NRIP3: variants seen among roughly 807,000 people sequenced by gnomAD.
The protein encoded by NRIP3 is nuclear receptor-interacting protein 3.
In NRIP3, 31 loss-of-function variants were observed where a neutral mutation model predicts 29.0. The ratio of observed to expected loss-of-function variants is 1.07; its 90% CI spans 0.80 to 1.44. The LOEUF (loss-of-function observed/expected upper bound fraction) is 1.44. Among genes scored for constraint, NRIP3 ranks in the 40% most tolerant of loss-of-function variants. The probability of loss-of-function intolerance (pLI) is 0.00; values close to 1 mark genes in which losing one functional copy is unlikely to be tolerated. For missense variants in NRIP3, 314 were observed against 297.9 expected, an observed-to-expected ratio of 1.05 and a Z score of -0.40; for synonymous variants, 131 against 118.3, an observed-to-expected ratio of 1.11 and a Z score of -0.70.
chr11:9,004,113 C>CCTCGCGT (rs1316399431), upstream of NRIP3: 20 of 482,736 alleles, frequency 4.1e-5, no homozygotes, highest in Non-Finnish European at 5.9e-5. Flanking sequence ...CGCGCGGCTC[C>CCTCGCGT]CTCGCGTCCC....
Position 9,003,831 on chromosome 11 carries a change from G to C in NRIP3, c.105C>G (p.Phe35Leu). ...GCAGGTCGGCGGAGTCCTTGTGGAT[G>C]AACTGCACCGCCTGCTTCATCCGGC... is the stretch of plus-strand genomic sequence containing the variant. ...QQRRMKQAVQ[F>L]IHKDSADLLP... Residue 35 changes from phenylalanine (F) to leucine (L), a missense_variant, in exon 1 of 7, where the codon TTC (phenylalanine) becomes TTG (leucine). Coordinates refer to ENST00000309166, the MANE Select transcript of NRIP3 (RefSeq NM_020645.3). 6.6e-7 allele frequency: 1 copy of C among 1,521,502 alleles called. No homozygotes were observed. Among genetic ancestry groups the C allele is most frequent in the Non-Finnish European group, 8.8e-7 (1 of 1,136,312 alleles). 94.3% of individuals were successfully genotyped at this position (1,521,502 alleles called of 1,614,324 possible). A position where few individuals can be genotyped will look rare whatever the true frequency, so the allele number is the denominator to read the frequency against.
chr11:9,003,366 A>G (rs894336470), intron 1 of NRIP3, among the ~76,000 whole-genome samples: 3 of 152,210 alleles, frequency 2.0e-5, no homozygotes, highest in Non-Finnish European at 4.4e-5. Flanking sequence ...CCCCTCACGG[A>G]AAGCCATTAG....
chr11:8,986,844 C>G (rs763642758), intron 3 of NRIP3, among the ~76,000 whole-genome samples: 10 of 152,148 alleles, frequency 6.6e-5, no homozygotes, highest in Non-Finnish European at 8.8e-5. Flanking sequence ...CATGGCAAAA[C>G]CCCCTCTCTA....
In NRIP3 at chr11:9,003,795, G is replaced by A. The variant is rs560756513; in HGVS notation, c.141C>T (p.Asp47=). 7 of 1,504,594 alleles carry A rather than the reference G, an allele frequency of 4.7e-6. No homozygotes were observed. The East Asian group carries it at 8.6e-5, about 19-fold the overall frequency. 93.2% of individuals were successfully genotyped at this position (1,504,594 alleles called of 1,614,324 possible). A position where few individuals can be genotyped will look rare whatever the true frequency, so the allele number is the denominator to read the frequency against. The change falls in exon 1 of 7, where the codon GAC becomes GAT. Residue 47 remains aspartate, a synonymous_variant. Transcript: ENST00000309166. ...HKDSADLLPL[D]GLKKLGSSKD... ...TGGACGAGCCCAGCTTCTTGAGGCC[G>A]TCCAGGGGCAGCAGGTCGGCGGAGT...
intron 1 of NRIP3, among the ~76,000 whole-genome samples, chr11:8,998,684 T>C (rs1854748321): frequency 6.6e-6 from 1 of 152,146 alleles, no homozygotes; most frequent in Non-Finnish European, 1.5e-5. Context: ...AGCACAGGCT[T>C]TCTGGTGGTG....
chr11:8,985,907 T>G, intron 3 of NRIP3, 57 bp from the exon 4 acceptor site: 2 of 1,582,300 alleles, frequency 1.3e-6, no homozygotes, highest in Non-Finnish European at 1.7e-6. Context: ...GGTAGAATCC[T>G]GCAATGCCTA....
At chr11:8,985,310 C>T (rs1002902170) in intron 4 of NRIP3, among the ~76,000 whole-genome samples, 3 of 151,820 alleles carry the variant, frequency 2.0e-5, no homozygotes, top group Non-Finnish European at 4.4e-5. Flanking sequence ...GCTGGGACTA[C>T]AGGCGCCCAC....
chr11:8,987,891 A>T (rs924184499), intron 2 of NRIP3, among the ~76,000 whole-genome samples: 6 of 152,178 alleles, frequency 3.9e-5, no homozygotes, highest in Admixed American at 2.0e-4. Context: ...AATCTTTTTT[A>T]AAAAAATCAC....
chr11:8,985,294 C>T (rs562527181), intron 4 of NRIP3, among the ~76,000 whole-genome samples: 188 of 151,848 alleles, frequency 1.2e-3, no homozygotes, highest in African/African-American at 4.2e-3. Flanking sequence ...CTTAGCCTCC[C>T]GAGTAGCTGG....
Position 8,983,442 on chromosome 11 carries a change from G to C in NRIP3, c.*103C>G. 1 of 1,048,332 alleles carries C rather than the reference G, an allele frequency of 9.5e-7. No individual in the cohort carries two copies. The highest frequency in any genetic ancestry group is 1.4e-6 in the Non-Finnish European group (1 of 698,310). 64.9% of individuals were successfully genotyped at this position (1,048,332 alleles called of 1,614,324 possible). ...GAGCTTCTATTAGATGGAAGGACTT[G>C]GTCCACAGCAAGTCACTACGGCATT... On this transcript the variant is annotated 3_prime_UTR_variant, in exon 7 of 7. Transcript: ENST00000309166.
chr11:8,991,594 T>C (rs1318169218), intron 1 of NRIP3, among the ~76,000 whole-genome samples: 1 of 152,054 alleles, frequency 6.6e-6, no homozygotes, highest in African/African-American at 2.4e-5. Flanking sequence ...AAAAAAAAGA[T>C]GTTGACAAAA....
intron 1 of NRIP3, among the ~76,000 whole-genome samples, chr11:8,994,272 T>C (rs904217952): frequency 3.3e-5 from 5 of 152,350 alleles, no homozygotes; most frequent in Admixed American, 3.3e-4. Context: ...AGGAAAAGCT[T>C]TCCCAGAAGT....
At chr11:8,985,386 G>A (rs1008549435) in intron 4 of NRIP3, among the ~76,000 whole-genome samples, 1 of 145,640 alleles carries the variant, frequency 6.9e-6, no homozygotes, top group African/African-American at 2.6e-5. Flanking sequence ...AGCTAGGATG[G>A]TCTCGATCTC....
At chr11:8,997,115 G>A (rs950080377) in intron 1 of NRIP3, among the ~76,000 whole-genome samples, 1 of 151,932 alleles carries the variant, frequency 6.6e-6, no homozygotes, top group African/African-American at 2.4e-5. Flanking sequence ...AGTGGCTCAT[G>A]CCTGTAATCC....
In NRIP3 at chr11:8,985,715, C is replaced by T; in HGVS notation, c.558G>A (p.Val186=). 1 of 1,613,720 alleles carries T rather than the reference C, an allele frequency of 6.2e-7. No individual in the cohort carries two copies. The highest frequency in any genetic ancestry group is 1.1e-5 in the South Asian group (1 of 91,044). The change falls in exon 4 of 7, where the codon GTG becomes GTA. Residue 186 remains valine, a synonymous_variant. Transcript: ENST00000309166. ...CCAGCCCTCAATTCTGCTTACCAAC[C>T]ACAGCTGCTGGGCAGTCCAGGCGGA... The part of the protein sequence containing the change: ...GSLRLDCPAA[V]VDDNEKNLSL...
intron 3 of NRIP3, 36 bp downstream of exon 3, chr11:8,987,512 A>T (rs959669428): frequency 6.4e-6 from 9 of 1,407,578 alleles, no homozygotes; most frequent in South Asian, 5.8e-5. Flanking sequence ...GAGTACAGTC[A>T]CATCTAAGTT....
rs549438137 is a variant in NRIP3, at chr11:8,990,560, C to G, written c.175-2278G>C. Reference sequence around the variant, plus strand: ...CAACACTTTGGAAGGCCGAGGCAGGCGGATCTCTTGAGCTCAGGAGTTCGA... The same window carrying G: ...CAACACTTTGGAAGGCCGAGGCAGGGGGATCTCTTGAGCTCAGGAGTTCGA... On this transcript the variant is annotated intron_variant, in intron 1 of 6. Coordinates refer to ENST00000309166, the MANE Select transcript of NRIP3 (RefSeq NM_020645.3). Among the ~76,000 whole-genome samples, 981 of 151,960 alleles carry G rather than the reference C, an allele frequency of 6.5e-3. 8 individuals are homozygous for G. Among genetic ancestry groups the G allele is most frequent in the African/African-American group, 0.022 (926 of 41,458 alleles).
intron 1 of NRIP3, among the ~76,000 whole-genome samples, chr11:8,997,375 AAAAG>A (rs1555231802): frequency 3.8e-5 from 5 of 131,360 alleles, no homozygotes; most frequent in African/African-American, 1.3e-4. Flanking sequence ...AAAAAAAAAA[AAAAG>A]AAAGAAAAAA....
At chr11:8,999,251 C>T (rs1025597449) in intron 1 of NRIP3, among the ~76,000 whole-genome samples, 1 of 152,202 alleles carries the variant, frequency 6.6e-6, no homozygotes, top group Non-Finnish European at 1.5e-5. Context: ...TAATCCAATG[C>T]ATCAATTACA....
Sources: allele counts gnomAD v4.1 joint callset (sites outside exome capture counted in the v4.1 genomes callset), GRCh38; gene constraint gnomAD v4.1.1; transcripts MANE v1.5; gene names NCBI Gene and HGNC (gene_info 2026-07-23, HGNC 2026-07-21).